The following ZDHHC18 variants were observed in gnomAD, a reference collection of about 807,000 sequenced individuals.
ZDHHC18 encodes the protein palmitoyltransferase ZDHHC18.
A neutral mutation model predicts 37.5 loss-of-function variants in ZDHHC18; 23 were observed. The observed-to-expected ratio is 0.61, with a 90% confidence interval of 0.44 to 0.87. The LOEUF (loss-of-function observed/expected upper bound fraction) is 0.87. Among genes scored for constraint, ZDHHC18 ranks in the 40% least tolerant of loss-of-function variants. The pLI, the probability that ZDHHC18 is intolerant of heterozygous loss-of-function variation, is 0.00. For missense variants in ZDHHC18, 406 were observed against 525.6 expected, an observed-to-expected ratio of 0.77 and a Z score of 2.22; for synonymous variants, 185 against 218.7, an observed-to-expected ratio of 0.85 and a Z score of 1.36.
At chr1:26,845,269 T>G (rs905167390) in intron 2 of ZDHHC18, among the ~76,000 whole-genome samples, 2 of 149,516 alleles carry the variant, frequency 1.3e-5, no homozygotes, top group African/African-American at 4.9e-5. Flanking sequence ...GTTTACAAGA[T>G]GTAAACATCT....
At chr1:26,836,446 C>G (rs570212010) in intron 2 of ZDHHC18, among the ~76,000 whole-genome samples, 5 of 152,186 alleles carry the variant, frequency 3.3e-5, no homozygotes, top group East Asian at 1.9e-4. Context: ...CCTGTCCCCC[C>G]ACAAACCCCA....
intron 1 of ZDHHC18, among the ~76,000 whole-genome samples, chr1:26,828,183 ACACACACT>A (rs2081567744): frequency 6.6e-6 from 1 of 151,048 alleles, no homozygotes; most frequent in African/African-American, 2.4e-5. Flanking sequence ...GATTCCTTGC[ACACACACT>A]CACACGCCCA....
At chr1:26,853,683 G>A (rs1417872858) in intron 7 of ZDHHC18, 43 bp from the exon 8 acceptor site, 4 of 1,583,300 alleles carry the variant, frequency 2.5e-6, no homozygotes, top group South Asian at 2.2e-5. Flanking sequence ...TAGAGCCTCA[G>A]TGTTGGGCAG....
intron 2 of ZDHHC18, among the ~76,000 whole-genome samples, chr1:26,846,249 G>T (rs11581725): frequency 2.6e-5 from 3 of 114,370 alleles, no homozygotes; most frequent in East Asian, 2.8e-4. Context: ...GAGATATATA[G>T]ATATATATCT....
intron 6 of ZDHHC18, 39 bp downstream of exon 6, chr1:26,851,270 G>A: frequency 2.5e-6 from 4 of 1,595,630 alleles, no homozygotes; most frequent in Non-Finnish European, 3.4e-6. Flanking sequence ...CTAGGGCAGC[G>A]CCCTCAGGAG....
chr1:26,845,536 T>G (rs1254075089), intron 2 of ZDHHC18, among the ~76,000 whole-genome samples: 1 of 151,540 alleles, frequency 6.6e-6, no homozygotes, highest in Non-Finnish European at 1.5e-5. Flanking sequence ...TTTCACCATG[T>G]TGGCCAGGCT....
chr1:26,850,468 G>A lies in ZDHHC18; in HGVS notation c.784+30G>A, dbSNP rs747144908. On this transcript the variant is annotated intron_variant, in intron 4 of 7. Transcript: ENST00000374142. This position sits in a 1 kb window ranked among gnomAD's most constrained non-coding sequence, Gnocchi z 6.1. ...GTTGTGGGTGAGGGCAGTGGGGAGTGGAAGGGGTCAGCCAGCAAGCTCAAG... is the reference window on the plus strand; with the variant it reads ...GTTGTGGGTGAGGGCAGTGGGGAGTAGAAGGGGTCAGCCAGCAAGCTCAAG... 41 of 1,614,128 alleles carry A rather than the reference G, an allele frequency of 2.5e-5. No individual in the cohort carries two copies. The highest frequency in any genetic ancestry group is 3.4e-5 in the Non-Finnish European group (40 of 1,180,032).
At chr1:26,831,047 G>T (rs2081587114) in intron 1 of ZDHHC18, among the ~76,000 whole-genome samples, 1 of 152,192 alleles carries the variant, frequency 6.6e-6, no homozygotes, top group Admixed American at 6.5e-5. Flanking sequence ...CTCCCAAAGT[G>T]CTGGGATTGC....
At position 26,853,706 on chromosome 1, in the gene ZDHHC18, T is replaced by TC; in HGVS notation, c.1050-19dup. On this transcript the variant is annotated intron_variant, in intron 7 of 7. Transcript: ENST00000374142. ...CAGTGTTGGGCAGAGCCCTCATGTGTCTCCCTTGTGTTTTGGAAGCCTAAT... is the reference window on the plus strand; with the variant it reads ...CAGTGTTGGGCAGAGCCCTCATGTGTCCTCCCTTGTGTTTTGGAAGCCTAAT... 6.2e-7 allele frequency: 1 copy of TC among 1,611,358 alleles called. No individual in the cohort carries two copies. The highest frequency in any genetic ancestry group is 8.5e-7 in the Non-Finnish European group (1 of 1,177,676).
intron 1 of ZDHHC18, among the ~76,000 whole-genome samples, chr1:26,831,771 T>G (rs1352551977): frequency 6.6e-6 from 1 of 152,198 alleles, no homozygotes; most frequent in African/African-American, 2.4e-5. Flanking sequence ...CCTGCCTACC[T>G]TGGGTCACAG....
chr1:26,826,874 C>A lies in ZDHHC18; in HGVS notation c.70C>A (p.Arg24Ser). ...GCTGCCCGCCTCCCCGGGGGCGCGCCGTCCCGGCCCCGCCGCGTCCCCGAC... is the reference window on the plus strand; with the variant it reads ...GCTGCCCGCCTCCCCGGGGGCGCGCAGTCCCGGCCCCGCCGCGTCCCCGAC... ...APLPASPGAR[R>S]PGPAASPTPG... is the part of the protein sequence containing the mutation. Residue 24 changes from arginine to serine, a missense_variant, in exon 1 of 8, where the codon CGT becomes AGT. Coordinates refer to ENST00000374142, the MANE Select transcript of ZDHHC18 (RefSeq NM_032283.3). The surrounding 1 kb of genome is among the most constrained non-coding windows in gnomAD (Gnocchi z 5.2). The A allele has an allele frequency of 1.0e-6, 1 of 980,154 alleles. No homozygotes were observed. Among genetic ancestry groups the A allele is most frequent in the Non-Finnish European group, 1.2e-6 (1 of 827,850 alleles). 60.7% of individuals were successfully genotyped at this position (980,154 alleles called of 1,614,324 possible).
intron 2 of ZDHHC18, among the ~76,000 whole-genome samples, chr1:26,833,108 A>G (rs2081595445): frequency 6.6e-6 from 1 of 152,244 alleles, no homozygotes; most frequent in Non-Finnish European, 1.5e-5. Context: ...TGTGCCAGGC[A>G]CTTTTCTAGA....
At chr1:26,846,290 GTATA>G (rs1557644428) in intron 2 of ZDHHC18, among the ~76,000 whole-genome samples, 40 of 47,848 alleles carry the variant, frequency 8.4e-4, no homozygotes, top group Admixed American at 1.3e-3. Flanking sequence ...GTGTGTGTGT[GTATA>G]TATATATATA....
chr1:26,829,904 G>C (rs982263903), intron 1 of ZDHHC18, among the ~76,000 whole-genome samples: 16 of 152,140 alleles, frequency 1.1e-4, no homozygotes, highest in African/African-American at 3.4e-4. Context: ...ACAAGTCTTA[G>C]ATTTCAAGTC....
intron 2 of ZDHHC18, among the ~76,000 whole-genome samples, chr1:26,836,043 T>G (rs2081609916): frequency 6.6e-6 from 1 of 152,218 alleles, no homozygotes; most frequent in Non-Finnish European, 1.5e-5. Context: ...TCGGTCACCC[T>G]CATCTGAGAT....
intron 2 of ZDHHC18, among the ~76,000 whole-genome samples, chr1:26,844,495 T>G (rs2081653753): frequency 6.6e-6 from 1 of 152,240 alleles, no homozygotes; most frequent in African/African-American, 2.4e-5. Flanking sequence ...TTGTCTATTA[T>G]GAGAATTATT....
intron 2 of ZDHHC18, among the ~76,000 whole-genome samples, chr1:26,847,691 T>TC (rs1390313712): frequency 1.3e-5 from 2 of 150,590 alleles, no homozygotes; most frequent in Non-Finnish European, 3.0e-5. Context: ...CTCTCTCTCT[T>TC]TTTTTTTTAA....
intron 2 of ZDHHC18, among the ~76,000 whole-genome samples, chr1:26,843,220 G>A (rs2081647345): frequency 6.8e-6 from 1 of 147,260 alleles, no homozygotes. Context: ...TCAGCTCACT[G>A]CAACCTCCAC....
chr1:26,835,999 A>G (rs185205511), intron 2 of ZDHHC18, among the ~76,000 whole-genome samples: 1 of 152,288 alleles, frequency 6.6e-6, no homozygotes, highest in East Asian at 1.9e-4. Flanking sequence ...CTCCTGTCTT[A>G]GGAAACCACT....
Sources: gnomAD v4.1 joint callset for allele counts (sites outside exome capture counted in the v4.1 genomes callset) on GRCh38, gnomAD v4.1.1 for gene constraint, Gnocchi (gnomAD v3.1) non-coding constraint, MANE v1.5 for transcripts, NCBI Gene and HGNC (gene_info 2026-07-23, HGNC 2026-07-21) for gene names.